Variants in ADGRL3 observed in about 807,000 individuals in gnomAD.
ADGRL3 encodes the protein calcium-independent alpha-latrotoxin receptor 3.
In ADGRL3, 62 loss-of-function variants were observed where a neutral mutation model predicts 153.5. That is an observed-to-expected ratio of 0.40 (90% CI 0.33 to 0.50). The LOEUF (loss-of-function observed/expected upper bound fraction) is 0.50, where lower values mean the gene tolerates loss of function less well. Among genes scored for constraint, ADGRL3 ranks in the 20% least tolerant of loss-of-function variants. The probability of loss-of-function intolerance (pLI) is 0.47; values close to 1 mark genes in which losing one functional copy is unlikely to be tolerated. For missense variants in ADGRL3, 1,641 were observed against 1,859.4 expected, an observed-to-expected ratio of 0.88 and a Z score of 2.16; for synonymous variants, 710 against 672.5, an observed-to-expected ratio of 1.06 and a Z score of -0.86.
intron 5 of ADGRL3, among the ~76,000 whole-genome samples, chr4:61,670,460 G>A (rs930081822): frequency 2.0e-5 from 3 of 152,074 alleles, no homozygotes; most frequent in African/African-American, 7.2e-5. Flanking sequence ...AATCGAACAT[G>A]AGATAGTGGG....
At chr4:61,358,378 A>G (rs1470666171) in intron 1 of ADGRL3, among the ~76,000 whole-genome samples, 1 of 152,024 alleles carries the variant, frequency 6.6e-6, no homozygotes, top group Non-Finnish European at 1.5e-5. Flanking sequence ...TGGGCGGATC[A>G]CGAGGTCAGG....
chr4:61,965,504 C>T (rs1029245758), intron 17 of ADGRL3, among the ~76,000 whole-genome samples: 1 of 152,056 alleles, frequency 6.6e-6, no homozygotes, highest in Non-Finnish European at 1.5e-5. Flanking sequence ...AATCCCAGCA[C>T]TTTAGGAGGC....
chr4:61,608,577 T>C (rs925897349), intron 5 of ADGRL3, among the ~76,000 whole-genome samples: 18 of 152,224 alleles, frequency 1.2e-4, no homozygotes, highest in African/African-American at 4.3e-4. Flanking sequence ...TATTATTTAT[T>C]TGGCTCTTTT....
intron 4 of ADGRL3, among the ~76,000 whole-genome samples, chr4:61,521,737 A>G (rs335318): frequency 6.6e-6 from 1 of 151,796 alleles, no homozygotes; most frequent in African/African-American, 2.4e-5. Flanking sequence ...TTGCATTATA[A>G]ATGAGTGTAC....
At chr4:62,054,514 G>A (rs2151796366) in intron 25 of ADGRL3, among the ~76,000 whole-genome samples, 1 of 151,682 alleles carries the variant, frequency 6.6e-6, no homozygotes, top group African/African-American at 2.4e-5. Context: ...ATATGATAGT[G>A]TTGTGTTGCA....
chr4:61,236,545 C>T (rs188907086), intron 1 of ADGRL3, among the ~76,000 whole-genome samples: 6 of 151,958 alleles, frequency 3.9e-5, no homozygotes, highest in East Asian at 1.9e-4. Context: ...TTTTGTCCCT[C>T]CCCCTGAATG....
intron 1 of ADGRL3, among the ~76,000 whole-genome samples, chr4:61,369,864 T>C (rs950364599): frequency 5.9e-5 from 9 of 152,236 alleles, no homozygotes; most frequent in African/African-American, 2.2e-4. Flanking sequence ...GGTCCTGGAC[T>C]CTTTTTGGTT....
chr4:62,035,347 G>A (rs1483414064), intron 23 of ADGRL3, among the ~76,000 whole-genome samples: 2 of 151,924 alleles, frequency 1.3e-5, no homozygotes, highest in African/African-American at 2.4e-5. Context: ...GTAACAGGAG[G>A]GAGAGTGGTT....
intron 3 of ADGRL3, among the ~76,000 whole-genome samples, chr4:61,505,885 T>G (rs2152845366): frequency 6.6e-6 from 1 of 152,162 alleles, no homozygotes; most frequent in African/African-American, 2.4e-5. Flanking sequence ...ATGGCAAGGA[T>G]AATTAATGGT....
chr4:61,784,824 C>G (rs1310115877), intron 8 of ADGRL3, among the ~76,000 whole-genome samples: 1 of 152,060 alleles, frequency 6.6e-6, no homozygotes, highest in Non-Finnish European at 1.5e-5. Flanking sequence ...GGGTATTTAG[C>G]TAATGGCTAT....
At position 61,693,753 on chromosome 4, in the gene ADGRL3, A is replaced by G. The variant is rs190223538; in HGVS notation, c.583+16818A>G. Among the ~76,000 whole-genome samples, 7 of 152,328 alleles carry G rather than the reference A, an allele frequency of 4.6e-5. No homozygotes were observed. The East Asian group carries it at 1.2e-3, about 25-fold the overall frequency. ...TAATTAAATTTTCCAATATTTGGCA[A>G]GAAAGGACTGGCAGTGTCAGCTTTC... On this transcript the variant is annotated intron_variant, in intron 6 of 26. Coordinates refer to ENST00000683033, the MANE Select transcript of ADGRL3 (RefSeq NM_001387552.1).
intron 1 of ADGRL3, among the ~76,000 whole-genome samples, chr4:61,269,274 CT>C (rs1382052603): frequency 1.3e-5 from 2 of 151,564 alleles, no homozygotes; most frequent in Admixed American, 1.3e-4. Context: ...TTTTTAATAG[CT>C]TTTTGCCTTC....
chr4:61,557,694 A>C (rs984236892), intron 4 of ADGRL3, among the ~76,000 whole-genome samples: 1 of 152,064 alleles, frequency 6.6e-6, no homozygotes, highest in African/African-American at 2.4e-5. Context: ...GCACTCAAAC[A>C]CTAACCTTAG....
At chr4:62,048,466 T>C (rs1245965236) in intron 25 of ADGRL3, among the ~76,000 whole-genome samples, 1 of 152,046 alleles carries the variant, frequency 6.6e-6, no homozygotes, top group Non-Finnish European at 1.5e-5. Flanking sequence ...TTTCATCATG[T>C]TGGCCAGGCT....
chr4:61,751,654 A>G (rs986821845), intron 8 of ADGRL3, among the ~76,000 whole-genome samples: 1 of 152,228 alleles, frequency 6.6e-6, no homozygotes, highest in Non-Finnish European at 1.5e-5. Flanking sequence ...TAGTAAGATT[A>G]GTTAGAAACT....
chr4:61,757,069 G>T (rs1317079824), intron 8 of ADGRL3, among the ~76,000 whole-genome samples: 1 of 152,122 alleles, frequency 6.6e-6, no homozygotes, highest in East Asian at 1.9e-4. Flanking sequence ...AGAGATATTG[G>T]TCTAAAATTC....
At chr4:61,422,303 A>T (rs2097216273) in intron 2 of ADGRL3, among the ~76,000 whole-genome samples, 1 of 152,194 alleles carries the variant, frequency 6.6e-6, no homozygotes, top group Non-Finnish European at 1.5e-5. Flanking sequence ...CAACTACAAT[A>T]TCTTCCTTAA....
At chr4:61,277,371 A>C (rs943103710) in intron 1 of ADGRL3, among the ~76,000 whole-genome samples, 2 of 152,190 alleles carry the variant, frequency 1.3e-5, no homozygotes, top group African/African-American at 4.8e-5. Context: ...TAACATAAAA[A>C]GTACGTATTA....
chr4:61,864,010 T>C (rs1409846879), intron 9 of ADGRL3, among the ~76,000 whole-genome samples: 4 of 152,182 alleles, frequency 2.6e-5, no homozygotes, highest in Admixed American at 2.0e-4. Context: ...CTCTCAAACA[T>C]TTATAACATA....
Sources: gnomAD v4.1 joint callset for allele counts (sites outside exome capture counted in the v4.1 genomes callset) on GRCh38, gnomAD v4.1.1 for gene constraint, MANE v1.5 for transcripts, NCBI Gene and HGNC (gene_info 2026-07-23, HGNC 2026-07-21) for gene names.